Variants in DMD observed in about 807,000 individuals in gnomAD.
The protein encoded by DMD is dystrophin.
In DMD, 63 loss-of-function variants were observed where a neutral mutation model predicts 330.1. The ratio of observed to expected loss-of-function variants is 0.19; its 90% CI spans 0.16 to 0.24. The LOEUF (loss-of-function observed/expected upper bound fraction) is 0.24, where lower values mean the gene tolerates loss of function less well. Ranked by LOEUF, DMD falls within the 10% of genes least tolerant of loss-of-function variation. The pLI, the probability that DMD is intolerant of heterozygous loss-of-function variation, is 1.00. For missense variants in DMD, 3,344 were observed against 2,684.1 expected (o/e 1.25, Z -5.43); for synonymous variants, 1,223 against 959.8 (o/e 1.27, Z -5.07).
chrX:33,311,558 A>G (rs751500936), intron 1 of DMD, among the ~76,000 whole-genome samples: 1 of 111,138 alleles, frequency 9.0e-6, no homozygotes, highest in East Asian at 2.8e-4. Context: ...GACATTACTT[A>G]CGAATACTAA....
At chrX:31,643,686 A>T (rs2148521545) in intron 54 of DMD, among the ~76,000 whole-genome samples, 1 of 112,131 alleles carries the variant, frequency 8.9e-6, no homozygotes, top group South Asian at 3.6e-4. Flanking sequence ...ATCTTAGTTC[A>T]TCAATGCAGT....
At chrX:33,157,651 C>T (rs2048570818) in intron 1 of DMD, among the ~76,000 whole-genome samples, 1 of 112,041 alleles carries the variant, frequency 8.9e-6, no homozygotes, top group African/African-American at 3.2e-5. Flanking sequence ...AGAAACAGTC[C>T]CTAGCTGGTA....
At chrX:32,498,342 A>G (rs2043706452) in intron 19 of DMD, among the ~76,000 whole-genome samples, 1 of 112,108 alleles carries the variant, frequency 8.9e-6, no homozygotes, top group African/African-American at 3.2e-5. Context: ...GTTCAAACAA[A>G]AAATACAGCT....
intron 38 of DMD, among the ~76,000 whole-genome samples, chrX:32,347,620 C>G (rs183419574): frequency 3.0e-4 from 34 of 111,719 alleles, no homozygotes; most frequent in Admixed American, 3.8e-4. Context: ...ATATTGTCTT[C>G]TGATGTCACT....
At chrX:32,810,299 C>A (rs1448240657) in intron 6 of DMD, among the ~76,000 whole-genome samples, 4 of 111,736 alleles carry the variant, frequency 3.6e-5, no homozygotes, top group East Asian at 2.8e-4. Context: ...TCAATACCAG[C>A]CATTTACTGG....
At chrX:32,070,069 A>G (rs1019077051) in intron 44 of DMD, among the ~76,000 whole-genome samples, 1 of 111,248 alleles carries the variant, frequency 9.0e-6, no homozygotes, top group Non-Finnish European at 1.9e-5. Context: ...CTTGATCTAG[A>G]TTCAAGCATG....
At chrX:32,898,670 C>T (rs1020778858) in intron 2 of DMD, among the ~76,000 whole-genome samples, 1 of 111,647 alleles carries the variant, frequency 9.0e-6, no homozygotes, top group Non-Finnish European at 1.9e-5. Context: ...TTGCCATGTC[C>T]TTTGTAAACT....
chrX:32,790,049 A>T (rs2075702252), intron 7 of DMD, among the ~76,000 whole-genome samples: 1 of 111,945 alleles, frequency 8.9e-6, no homozygotes, highest in South Asian at 3.7e-4. Context: ...ACTGGATATC[A>T]TATGATCCAC....
chrX:32,999,162 T>C lies in DMD; in HGVS notation c.93+20977A>G, dbSNP rs370165468. On this transcript the variant is annotated intron_variant, in intron 2 of 78. Coordinates refer to ENST00000357033, the MANE Select transcript of DMD (RefSeq NM_004006.3). ...GATCGCGATAGCAGTAGGGAAAATT[T>C]TGGAGAAAAAATGTTAGCTTTGAAG... 1.2e-4 allele frequency among the ~76,000 whole-genome samples: 14 copies of C among 112,754 alleles called. No homozygotes were observed. In the East Asian group the frequency reaches 2.0e-3, roughly 16 times the overall value.
At chrX:32,088,618 G>A (rs2096455784) in intron 44 of DMD, among the ~76,000 whole-genome samples, 1 of 110,120 alleles carries the variant, frequency 9.1e-6, no homozygotes, top group African/African-American at 3.3e-5. Context: ...AGAAGGGTTG[G>A]TGTTGAGGCA....
At chrX:32,023,687 C>G (rs2095824082) in intron 44 of DMD, among the ~76,000 whole-genome samples, 1 of 111,423 alleles carries the variant, frequency 9.0e-6, no homozygotes. Flanking sequence ...TGCAATCAAC[C>G]TAGGTGCCCA....
At chrX:32,414,757 T>C (rs1451301339) in intron 29 of DMD, among the ~76,000 whole-genome samples, 2 of 112,323 alleles carry the variant, frequency 1.8e-5, no homozygotes, top group East Asian at 5.6e-4. Flanking sequence ...TATCTGTTTT[T>C]GTATTAAAAG....
In DMD at chrX:32,781,523, A is replaced by G. The variant is rs369562616; in HGVS notation, c.649+27970T>C. On this transcript the variant is annotated intron_variant, in intron 7 of 78. Transcript: ENST00000357033. ...CTTGCATTCTCATATATAACTCAATATACCGGGAACACTGTAGATTCTAAA... is the reference window on the plus strand; with the variant it reads ...CTTGCATTCTCATATATAACTCAATGTACCGGGAACACTGTAGATTCTAAA... Among the ~76,000 whole-genome samples, 5 of 111,236 alleles carry G rather than the reference A, an allele frequency of 4.5e-5. No homozygotes were observed. The East Asian group carries it at 8.5e-4, about 19-fold the overall frequency.
intron 9 of DMD, among the ~76,000 whole-genome samples, chrX:32,667,599 A>C (rs1274070370): frequency 9.0e-6 from 1 of 111,369 alleles, no homozygotes; most frequent in Non-Finnish European, 1.9e-5. Context: ...TACTGCACTA[A>C]ATATTGTAGT....
chrX:31,836,798 C>T lies in DMD; in HGVS notation c.7120G>A (p.Ala2374Thr), dbSNP rs1246290639. ...DVKETEIAVQ[A>T]KQPDVEEILS... ...ATCTCTTCCACATCCGGTTGTTTAG[C>T]TTGAACTGCTATTTCAGTTTCCTGG... Residue 2374 changes from alanine to threonine, a missense_variant, in exon 49 of 79, where the codon GCT becomes ACT. Transcript: ENST00000357033. The T allele has an allele frequency of 8.3e-7, 1 of 1,209,060 alleles. No homozygotes were observed. Among genetic ancestry groups the T allele is most frequent in the Non-Finnish European group, 1.1e-6 (1 of 894,424 alleles).
intron 2 of DMD, among the ~76,000 whole-genome samples, chrX:32,859,463 A>T (rs1192727768): frequency 2.5e-3 from 36 of 14,258 alleles, no homozygotes; most frequent in Non-Finnish European, 1.7e-3. Context: ...GCAAGATCTC[A>T]CACACACACA....
intron 2 of DMD, among the ~76,000 whole-genome samples, chrX:32,866,997 G>A (rs2082568181): frequency 9.0e-6 from 1 of 111,441 alleles, no homozygotes; most frequent in East Asian, 2.8e-4. Context: ...GCCTCCCAAA[G>A]TGCTGGGATT....
At chrX:32,763,354 A>T (rs1177236408) in intron 7 of DMD, among the ~76,000 whole-genome samples, 2 of 112,120 alleles carry the variant, frequency 1.8e-5, no homozygotes, top group African/African-American at 6.5e-5. Context: ...ATTTATAGTT[A>T]TGTTTTAGTT....
chrX:33,208,408 A>G (rs930955031), intron 1 of DMD, among the ~76,000 whole-genome samples: 2 of 110,989 alleles, frequency 1.8e-5, no homozygotes, highest in African/African-American at 6.5e-5. Context: ...TACTTACATG[A>G]GGGGCCCCTC....
Sources: allele counts gnomAD v4.1 joint callset (sites outside exome capture counted in the v4.1 genomes callset), GRCh38; gene constraint gnomAD v4.1.1; transcripts MANE v1.5; gene names NCBI Gene and HGNC (gene_info 2026-07-23, HGNC 2026-07-21).